Variants in GNA14 observed in about 807,000 individuals in gnomAD.
The protein encoded by GNA14 is guanine nucleotide-binding protein subunit alpha-14.
GNA14 carries 50 observed loss-of-function variants against 42.0 expected under a neutral mutation model. The observed-to-expected ratio is 1.19, with a 90% confidence interval of 0.95 to 1.51. GNA14 has a LOEUF of 1.51. GNA14 is among the 40% of genes most tolerant of loss of function. GNA14 has a pLI of 0.00. For missense variants in GNA14, 473 were observed against 446.2 expected, an observed-to-expected ratio of 1.06 and a Z score of -0.54; for synonymous variants, 173 against 163.1, an observed-to-expected ratio of 1.06 and a Z score of -0.46.
At chr9:77,431,560 A>G in intron 3 of GNA14, 111 bp from the exon 4 acceptor site, 2 of 895,852 alleles carry the variant, frequency 2.2e-6, no homozygotes, top group Non-Finnish European at 1.7e-6. Flanking sequence ...CAGACACACG[A>G]ATTCCATCAA....
At chr9:77,449,955 A>G (rs1453393517) in intron 2 of GNA14, among the ~76,000 whole-genome samples, 1 of 152,146 alleles carries the variant, frequency 6.6e-6, no homozygotes, top group East Asian at 1.9e-4. Context: ...TGCTCAGACA[A>G]GAACCTTAGA....
intron 1 of GNA14, among the ~76,000 whole-genome samples, chr9:77,562,132 C>T (rs1191104755): frequency 6.6e-6 from 1 of 152,186 alleles, no homozygotes; most frequent in Non-Finnish European, 1.5e-5. Context: ...TGCCTTTGTA[C>T]TCGAGGCCTG....
At chr9:77,585,850 C>T (rs761086687) in intron 1 of GNA14, among the ~76,000 whole-genome samples, 20 of 152,158 alleles carry the variant, frequency 1.3e-4, no homozygotes, top group Non-Finnish European at 2.4e-4. Flanking sequence ...TCTTGGGCTG[C>T]GGGAGGTTTT....
intron 1 of GNA14, among the ~76,000 whole-genome samples, chr9:77,551,971 C>A (rs925394563): frequency 5.9e-5 from 9 of 151,644 alleles, no homozygotes; most frequent in African/African-American, 1.9e-4. Context: ...GAAATCCTGT[C>A]TCTATTAAAA....
chr9:77,632,878 T>C (rs1315571333), intron 1 of GNA14, among the ~76,000 whole-genome samples: 1 of 152,136 alleles, frequency 6.6e-6, no homozygotes, highest in African/African-American at 2.4e-5. Context: ...CTCAGGCTGG[T>C]AATGTGAGCC....
At chr9:77,545,560 CAT>C (rs1375472165) in intron 1 of GNA14, among the ~76,000 whole-genome samples, 7 of 152,170 alleles carry the variant, frequency 4.6e-5, no homozygotes, top group African/African-American at 1.4e-4. Context: ...ATATTGGAAA[CAT>C]AACATCAACT....
intron 1 of GNA14, among the ~76,000 whole-genome samples, chr9:77,647,025 C>A (rs1403553110): frequency 1.3e-5 from 2 of 152,166 alleles, no homozygotes; most frequent in African/African-American, 4.8e-5. Context: ...GCCTGAGGGA[C>A]CCCCATGGGA....
chr9:77,493,095 GCACT>G (rs1298789038), intron 2 of GNA14, among the ~76,000 whole-genome samples: 2 of 147,568 alleles, frequency 1.4e-5, no homozygotes, highest in Non-Finnish European at 3.0e-5. Flanking sequence ...AGCAGTCCTG[GCACT>G]CACTAACAGT....
At chr9:77,611,476 A>C (rs146213149) in intron 1 of GNA14, among the ~76,000 whole-genome samples, 60 of 152,288 alleles carry the variant, frequency 3.9e-4, no homozygotes, top group African/African-American at 1.3e-3. Context: ...CTGTCTTCCA[A>C]GACTGTTTGC....
intron 1 of GNA14, among the ~76,000 whole-genome samples, chr9:77,638,107 A>G (rs1824210436): frequency 6.6e-6 from 1 of 152,224 alleles, no homozygotes; most frequent in African/African-American, 2.4e-5. Flanking sequence ...CATATTTGAT[A>G]GTCAACTAGC....
At chr9:77,620,883 G>A (rs1387610589) in intron 1 of GNA14, among the ~76,000 whole-genome samples, 1 of 141,804 alleles carries the variant, frequency 7.1e-6, no homozygotes, top group Non-Finnish European at 1.5e-5. Context: ...ATCCCTTTCT[G>A]TTTGGCCAAC....
At chr9:77,641,164 GGAAGGAAGGA>G (rs1824261440) in intron 1 of GNA14, among the ~76,000 whole-genome samples, 2 of 131,122 alleles carry the variant, frequency 1.5e-5, no homozygotes, top group South Asian at 2.7e-4. Flanking sequence ...AAGGAAGGAA[GGAAGGAAGGA>G]AGGGCAAAGG....
At position 77,644,437 on chromosome 9, in the gene GNA14, C is replaced by CAAAAAAAAAAAAAAAAAA. The variant is rs764737417; in HGVS notation, c.124+3215_124+3232dup. 1.1e-3 allele frequency among the ~76,000 whole-genome samples: 39 copies of CAAAAAAAAAAAAAAAAAA among 34,020 alleles called. 5 individuals are homozygous for CAAAAAAAAAAAAAAAAAA. The highest frequency in any genetic ancestry group is 1.5e-3 in the African/African-American group (13 of 8,580). The allele number at this position is 34,020 out of a possible 152,430, so 22.3% of individuals were successfully genotyped here. ...TACTGAACTCCAACCTAAAGAGTGTCAAAAAAAAAAAAAAAAAAAAAAAAA... is the reference window on the plus strand; with the variant it reads ...TACTGAACTCCAACCTAAAGAGTGTCAAAAAAAAAAAAAAAAAAAAAAAAAAAAAAAAAAAAAAAAAAA... On this transcript the variant is annotated intron_variant, in intron 1 of 6. Transcript: ENST00000341700.
intron 1 of GNA14, among the ~76,000 whole-genome samples, chr9:77,543,335 G>T (rs182192257): frequency 6.6e-6 from 1 of 152,176 alleles, no homozygotes; most frequent in Admixed American, 6.5e-5. Context: ...CACAACAGCT[G>T]CAGCTGCAGT....
chr9:77,586,050 G>A (rs115355644), intron 1 of GNA14, among the ~76,000 whole-genome samples: 1,780 of 152,024 alleles, frequency 0.012, 37 homozygotes, highest in African/African-American at 0.041. Context: ...CTGAGTGTTC[G>A]CCAAACACTC....
At chr9:77,586,198 C>A (rs571371146) in intron 1 of GNA14, among the ~76,000 whole-genome samples, 18 of 152,268 alleles carry the variant, frequency 1.2e-4, no homozygotes, top group African/African-American at 4.3e-4. Context: ...CAAATTACCA[C>A]AAACTCAGTG....
In GNA14 at chr9:77,423,888, C is replaced by T. The variant is rs558206061; in HGVS notation, c.*91G>A. The stretch of plus-strand genomic sequence containing the variant: ...GACATCCTTAGTTCCTGGCATGGGG[C>T]TGGCTCTGGTGATGTCAGAAGCACT... On this transcript the variant is annotated 3_prime_UTR_variant, in exon 7 of 7. Coordinates refer to ENST00000341700, the MANE Select transcript of GNA14 (RefSeq NM_004297.4). The T allele has an allele frequency of 3.5e-5, 29 of 818,328 alleles. No homozygotes were observed. In the East Asian group the frequency reaches 7.0e-4, roughly 20 times the overall value. 50.7% of individuals were successfully genotyped at this position (818,328 alleles called of 1,614,324 possible). A position where few individuals can be genotyped will look rare whatever the true frequency, so the allele number is the denominator to read the frequency against.
chr9:77,525,696 G>A (rs1350808899), intron 2 of GNA14, among the ~76,000 whole-genome samples: 1 of 148,698 alleles, frequency 6.7e-6, no homozygotes, highest in East Asian at 2.0e-4. Flanking sequence ...CCGCCAACAC[G>A]CCCGGCTAAT....
At chr9:77,553,197 C>A (rs1299520312) in intron 1 of GNA14, among the ~76,000 whole-genome samples, 2 of 152,166 alleles carry the variant, frequency 1.3e-5, no homozygotes, top group Non-Finnish European at 2.9e-5. Context: ...ACTCCCCCAG[C>A]CCAGTTCTTG....
Sources: allele counts gnomAD v4.1 joint callset (sites outside exome capture counted in the v4.1 genomes callset), GRCh38; gene constraint gnomAD v4.1.1; transcripts MANE v1.5; gene names NCBI Gene and HGNC (gene_info 2026-07-23, HGNC 2026-07-21).